Variants in NADK observed in about 807,000 individuals in gnomAD.
The protein encoded by NADK is poly(P)/ATP NAD kinase.
A neutral mutation model predicts 49.8 loss-of-function variants in NADK; 22 were observed. That is an observed-to-expected ratio of 0.44 (90% CI 0.32 to 0.63). NADK has a LOEUF of 0.63. Ranked by LOEUF, NADK falls within the 30% of genes least tolerant of loss-of-function variation. NADK has a pLI of 0.06. For synonymous variants in NADK, 268 were observed against 253.7 expected (o/e 1.06, Z -0.54); for missense variants, 438 against 609.4 (o/e 0.72, Z 2.96).
intron 1 of NADK, among the ~76,000 whole-genome samples, chr1:1,770,174 A>G (rs986164370): frequency 3.3e-5 from 5 of 151,948 alleles, no homozygotes; most frequent in African/African-American, 1.2e-4. Context: ...ACTCTGCCTC[A>G]ATAAAAAGAA....
rs551450624 is a variant in NADK at position 1,771,525 on chromosome 1, G to A, written c.-40-6079C>T. On this transcript the variant is annotated intron_variant, in intron 1 of 11. Coordinates refer to ENST00000341426, the MANE Select transcript of NADK (RefSeq NM_023018.5). ...CCAGACAGCGTGGCAGCATCAAGAC[G>A]GACATACACATCAAGGAAACAGGAC... 3.6e-4 allele frequency among the ~76,000 whole-genome samples: 55 copies of A among 152,200 alleles called. 1 individual carries two copies. The South Asian group carries it at 9.7e-3, about 27-fold the overall frequency.
At chr1:1,761,204 G>T (rs965680312) in intron 3 of NADK, among the ~76,000 whole-genome samples, 1 of 152,222 alleles carries the variant, frequency 6.6e-6, no homozygotes, top group Non-Finnish European at 1.5e-5. Flanking sequence ...TATTGGCCAG[G>T]CTGGTCTTGA....
At chr1:1,755,057 G>T (rs1201639305) in intron 7 of NADK, among the ~76,000 whole-genome samples, 1 of 152,136 alleles carries the variant, frequency 6.6e-6, no homozygotes, top group Non-Finnish European at 1.5e-5. Flanking sequence ...TTGACCTCGT[G>T]ATCCGCCCGC....
chr1:1,777,791 T>C (rs1444638806), intron 1 of NADK, among the ~76,000 whole-genome samples: 3 of 152,198 alleles, frequency 2.0e-5, no homozygotes, highest in Non-Finnish European at 4.4e-5. Flanking sequence ...CCATAGACTA[T>C]TGGAATTTTC....
chr1:1,771,130 CAT>C (rs775921199), intron 1 of NADK, among the ~76,000 whole-genome samples: 1 of 145,828 alleles, frequency 6.9e-6, no homozygotes, highest in Non-Finnish European at 1.5e-5. Context: ...AATATATATA[CAT>C]ATATATGATC....
chr1:1,769,483 G>A (rs1570569887), intron 1 of NADK, among the ~76,000 whole-genome samples: 1 of 152,018 alleles, frequency 6.6e-6, no homozygotes, highest in Non-Finnish European at 1.5e-5. Context: ...CCCAGGAGGC[G>A]GTGCTTGCAG....
rs112660978 is a variant in NADK at position 1,757,384 on chromosome 1, TAAAAA to T, written c.264-79_264-75del. The T allele has an allele frequency of 4.1e-4, 465 of 1,123,804 alleles. 11 individuals carry two copies. In the South Asian group the frequency reaches 6.8e-3, roughly 16 times the overall value. 69.6% of individuals were successfully genotyped at this position (1,123,804 alleles called of 1,614,324 possible). On this transcript the variant is annotated intron_variant, in intron 3 of 11. Transcript: ENST00000341426. Reference sequence around the variant, plus strand: ...CGGAAAAGGTGTATGACTTAGAAAATAAAAAAAAAAATCTTTAAAAAGGTGTTTTC... The same window carrying T: ...CGGAAAAGGTGTATGACTTAGAAAATAAAAAATCTTTAAAAAGGTGTTTTC...
In NADK at chr1:1,759,179, A is replaced by G. The variant is rs766870560; in HGVS notation, c.264-1869T>C. The G allele has an allele frequency of 1.2e-4, 194 of 1,568,286 alleles. No individual in the cohort carries two copies. The highest frequency in any genetic ancestry group is 1.6e-4 in the Non-Finnish European group (185 of 1,157,562). On this transcript the variant is annotated intron_variant, in intron 3 of 11. Transcript: ENST00000341426. ...AGAGCCACCAGCAGCGGCGTCGTAC[A>G]CCGGCCCAGGCACCCACCGCTGTGT...
intron 1 of NADK, among the ~76,000 whole-genome samples, chr1:1,773,725 TGTGTGA>T (rs1451182661): frequency 2.8e-4 from 37 of 132,088 alleles, no homozygotes; most frequent in East Asian, 9.3e-4. Flanking sequence ...TGTGTGTGTG[TGTGTGA>T]GAGAGAGAGA....
At chr1:1,778,696 G>A (rs1646289448), upstream of NADK, 1 of 151,818 alleles carries the variant, frequency 6.6e-6, no homozygotes, top group South Asian at 2.1e-4. The surrounding 1 kb of genome is among the most constrained non-coding windows in gnomAD (Gnocchi z 4.9). Context: ...TCGGGTAGGC[G>A]GGGGTCGGCG....
chr1:1,765,569 A>AAAC, intron 1 of NADK, 123 bp from the exon 2 acceptor site: 2 of 484,694 alleles, frequency 4.1e-6, no homozygotes, highest in Non-Finnish European at 6.9e-6. Flanking sequence ...CAATTTACCA[A>AAAC]AGTACTTTGA....
intron 1 of NADK, among the ~76,000 whole-genome samples, chr1:1,767,097 A>G (rs985249481): frequency 3.9e-5 from 6 of 151,994 alleles, no homozygotes; most frequent in Admixed American, 3.9e-4. Flanking sequence ...TTGAATTTTT[A>G]GTAGAGATGG....
chr1:1,759,487 C>A (rs987721395), intron 3 of NADK, among the ~76,000 whole-genome samples: 21 of 152,268 alleles, frequency 1.4e-4, no homozygotes, highest in African/African-American at 4.6e-4. Flanking sequence ...CTCCACAACA[C>A]AGGCCCACCA....
Position 1,762,032 on chromosome 1 carries a change from C to T in NADK, c.183G>A (p.Arg61=), listed in dbSNP as rs765295843. 4.3e-6 allele frequency: 7 copies of T among 1,613,738 alleles called. No homozygotes were observed. In the African/African-American group the frequency reaches 5.3e-5, roughly 12 times the overall value. The change falls in exon 3 of 12, where the codon AGG becomes AGA. Residue 61 remains arginine (R), a synonymous_variant. Transcript: ENST00000341426. ...PALGSTKEFR[R]TRSLHGPCPV... is the part of the protein sequence containing the mutation. ...GGCATGGCCCATGAAGAGAGCGTGT[C>T]CTCCTGTGGGGAGAGGGCAGTGTCA...
chr1:1,759,747 G>A (rs569717880), intron 3 of NADK: 57 of 1,554,764 alleles, frequency 3.7e-5, no homozygotes, highest in African/African-American at 2.5e-4. Context: ...TTCCTCCTGC[G>A]GGGCTGTCTG....
intron 3 of NADK, among the ~76,000 whole-genome samples, chr1:1,758,907 G>A (rs1645622429): frequency 6.6e-6 from 1 of 152,296 alleles, no homozygotes; most frequent in African/African-American, 2.4e-5. Flanking sequence ...GAACCGGCTG[G>A]GCCCCAGGGA....
intron 1 of NADK, among the ~76,000 whole-genome samples, chr1:1,773,729 T>TGTGA (rs1553188456): frequency 4.7e-5 from 6 of 128,974 alleles, no homozygotes; most frequent in African/African-American, 1.3e-4. Flanking sequence ...TGTGTGTGTG[T>TGTGA]GAGAGAGAGA....
At chr1:1,776,454 T>C (rs930519764) in intron 1 of NADK, among the ~76,000 whole-genome samples, 51 of 128,578 alleles carry the variant, frequency 4.0e-4, no homozygotes, top group Admixed American at 1.6e-3. Context: ...CACCTCCAAG[T>C]TCAAATGAAA....
chr1:1,759,181 C>T (rs757414973), intron 3 of NADK: 15 of 1,569,054 alleles, frequency 9.6e-6, no homozygotes, highest in South Asian at 7.0e-5. Flanking sequence ...CGTCGTACAC[C>T]GGCCCAGGCA....
Sources: gnomAD v4.1 joint callset for allele counts (sites outside exome capture counted in the v4.1 genomes callset) on GRCh38, gnomAD v4.1.1 for gene constraint, Gnocchi (gnomAD v3.1) non-coding constraint, MANE v1.5 for transcripts, NCBI Gene and HGNC (gene_info 2026-07-23, HGNC 2026-07-21) for gene names.